CFAP299: variants seen among roughly 807,000 people sequenced by gnomAD.
CFAP299 encodes the protein cilia- and flagella-associated protein 299.
A neutral mutation model predicts 27.0 loss-of-function variants in CFAP299; 21 were observed. That is an observed-to-expected ratio of 0.78 (90% CI 0.55 to 1.12). CFAP299 has a LOEUF of 1.12. Among genes scored for constraint, CFAP299 ranks in the 50% most tolerant of loss-of-function variants. The probability of loss-of-function intolerance (pLI) is 0.00; values close to 1 mark genes in which losing one functional copy is unlikely to be tolerated. For synonymous variants in CFAP299, 104 were observed against 98.1 expected (o/e 1.06, Z -0.36); for missense variants, 310 against 276.6 (o/e 1.12, Z -0.86).
In CFAP299 at chr4:80,453,928, A is replaced by G. The variant is rs1170618018; in HGVS notation, c.242+91044A>G. Among the ~76,000 whole-genome samples, 4 of 151,422 alleles carry G rather than the reference A, an allele frequency of 2.6e-5. No homozygotes were observed. In the East Asian group the frequency reaches 5.8e-4, roughly 22 times the overall value. Reference sequence around the variant, plus strand: ...TTTTCACATTTCCATTTAGTAATTCATTAGCATTTTAGCTTTATAGTTGCT... The same window carrying G: ...TTTTCACATTTCCATTTAGTAATTCGTTAGCATTTTAGCTTTATAGTTGCT... On this transcript the variant is annotated intron_variant, in intron 2 of 5. Coordinates refer to ENST00000358105, the MANE Select transcript of CFAP299 (RefSeq NM_152770.3).
At chr4:80,901,198 A>G (rs1018759468) in intron 4 of CFAP299, among the ~76,000 whole-genome samples, 17 of 152,196 alleles carry the variant, frequency 1.1e-4, no homozygotes, top group Admixed American at 9.8e-4. Context: ...TATACCTATC[A>G]CAATCTGAAA....
At chr4:80,409,037 CAAA>C (rs777242776) in intron 2 of CFAP299, among the ~76,000 whole-genome samples, 1 of 67,438 alleles carries the variant, frequency 1.5e-5, no homozygotes. Context: ...GAGACTCTTT[CAAA>C]AAAAAAAAAA....
chr4:80,837,424 A>G (rs1251693802), intron 3 of CFAP299, among the ~76,000 whole-genome samples: 1 of 152,024 alleles, frequency 6.6e-6, no homozygotes, highest in Non-Finnish European at 1.5e-5. Context: ...TCCTAATGCT[A>G]TCCTTCCCGT....
At chr4:80,753,167 A>C (rs1207015633) in intron 3 of CFAP299, among the ~76,000 whole-genome samples, 1 of 151,886 alleles carries the variant, frequency 6.6e-6, no homozygotes, top group East Asian at 1.9e-4. Context: ...TATTTTGTTT[A>C]GTGAAAGTCT....
At chr4:80,943,546 T>C (rs2110229784) in intron 4 of CFAP299, among the ~76,000 whole-genome samples, 1 of 152,260 alleles carries the variant, frequency 6.6e-6, no homozygotes, top group East Asian at 1.9e-4. Context: ...CTGGTTTGTG[T>C]TATTTCTGTG....
At chr4:80,335,676 C>T, upstream of CFAP299, 1 of 785,600 alleles carries the variant, frequency 1.3e-6, no homozygotes, top group Non-Finnish European at 2.3e-6. Flanking sequence ...CTCACACCGG[C>T]TTCAACTGAT....
At chr4:80,667,231 A>G (rs981535678) in intron 3 of CFAP299, among the ~76,000 whole-genome samples, 1 of 152,142 alleles carries the variant, frequency 6.6e-6, no homozygotes, top group African/African-American at 2.4e-5. Flanking sequence ...AGATGTACAT[A>G]TTCTCGGGTA....
At chr4:80,533,369 G>A (rs1733566217) in intron 2 of CFAP299, among the ~76,000 whole-genome samples, 1 of 152,184 alleles carries the variant, frequency 6.6e-6, no homozygotes, top group South Asian at 2.1e-4. Context: ...GTAAACACAG[G>A]TGTGGAATTC....
intron 4 of CFAP299, among the ~76,000 whole-genome samples, chr4:80,908,024 A>G (rs1166489188): frequency 2.0e-5 from 3 of 152,226 alleles, no homozygotes; most frequent in South Asian, 2.1e-4. Flanking sequence ...GGGCTCGTCC[A>G]TAACATTTTT....
intron 2 of CFAP299, among the ~76,000 whole-genome samples, chr4:80,509,262 A>AGCTTACAGCAT (rs1732183203): frequency 6.6e-6 from 1 of 152,206 alleles, no homozygotes; most frequent in Non-Finnish European, 1.5e-5. Context: ...GTCTTTTATT[A>AGCTTACAGCAT]GCTTACAGCA....
chr4:80,347,989 A>T (rs1030225772), intron 1 of CFAP299, among the ~76,000 whole-genome samples: 1 of 152,134 alleles, frequency 6.6e-6, no homozygotes, highest in African/African-American at 2.4e-5. Context: ...AAGATAGAAT[A>T]AGACCACCCA....
chr4:80,622,476 T>C (rs1738656727), intron 3 of CFAP299, among the ~76,000 whole-genome samples: 2 of 152,198 alleles, frequency 1.3e-5, no homozygotes, highest in Non-Finnish European at 2.9e-5. Context: ...GAAATATTGT[T>C]TTCTTCATTT....
chr4:80,443,236 A>C (rs1228421308), intron 2 of CFAP299, among the ~76,000 whole-genome samples: 1 of 151,916 alleles, frequency 6.6e-6, no homozygotes, highest in African/African-American at 2.4e-5. Context: ...ACAACAACAA[A>C]AATTTCAGGC....
chr4:80,410,748 C>T (rs1368198581), intron 2 of CFAP299, among the ~76,000 whole-genome samples: 1 of 152,160 alleles, frequency 6.6e-6, no homozygotes, highest in Non-Finnish European at 1.5e-5. Context: ...GTGTGTTTCT[C>T]CTTTCACAGA....
chr4:80,448,571 T>G (rs1413462564), intron 2 of CFAP299, among the ~76,000 whole-genome samples: 2 of 152,152 alleles, frequency 1.3e-5, no homozygotes, highest in Non-Finnish European at 2.9e-5. Context: ...TTAACATAAA[T>G]GCTTAGAAAA....
At chr4:80,346,079 G>A (rs1722712072) in intron 1 of CFAP299, among the ~76,000 whole-genome samples, 2 of 152,182 alleles carry the variant, frequency 1.3e-5, no homozygotes, top group Admixed American at 1.3e-4. Flanking sequence ...CTTCTTTTGA[G>A]AAGTGTCTGC....
At chr4:80,477,395 T>G (rs1264693958) in intron 2 of CFAP299, among the ~76,000 whole-genome samples, 1 of 152,182 alleles carries the variant, frequency 6.6e-6, no homozygotes, top group Non-Finnish European at 1.5e-5. Context: ...TGTAGGCTTC[T>G]TTGCTTTCTG....
chr4:80,717,653 A>G (rs1722563437), intron 3 of CFAP299, among the ~76,000 whole-genome samples: 1 of 152,186 alleles, frequency 6.6e-6, no homozygotes, highest in African/African-American at 2.4e-5. Context: ...TTATGAAAAC[A>G]AGAATGACTG....
intron 2 of CFAP299, among the ~76,000 whole-genome samples, chr4:80,540,242 G>T (rs1469422601): frequency 1.3e-5 from 2 of 152,184 alleles, no homozygotes; most frequent in Non-Finnish European, 2.9e-5. Flanking sequence ...GAGGTATGCA[G>T]TGAATTTCTG....
Sources: gnomAD v4.1 joint callset for allele counts (sites outside exome capture counted in the v4.1 genomes callset) on GRCh38, gnomAD v4.1.1 for gene constraint, MANE v1.5 for transcripts, NCBI Gene and HGNC (gene_info 2026-07-23, HGNC 2026-07-21) for gene names.